Variants in GAP43 observed in about 807,000 individuals in gnomAD.
GAP43 encodes growth associated protein 43.
Under a neutral mutation model 18.6 loss-of-function variants are expected in GAP43, and 6 were observed. That is an observed-to-expected ratio of 0.32 (90% CI 0.18 to 0.64). The LOEUF (loss-of-function observed/expected upper bound fraction) is 0.64. GAP43 is among the 30% of genes least tolerant of loss of function. The pLI is 0.78. For missense variants in GAP43, 292 were observed against 295.5 expected, an observed-to-expected ratio of 0.99 and a Z score of 0.09; for synonymous variants, 115 against 111.4, an observed-to-expected ratio of 1.03 and a Z score of -0.20.
intron 1 of GAP43, among the ~76,000 whole-genome samples, chr3:115,624,107 A>G (rs1365782201): frequency 2.0e-5 from 3 of 151,596 alleles, no homozygotes; most frequent in Admixed American, 2.0e-4. Flanking sequence ...GCAAAAAAGC[A>G]GGGTTGAGGA....
chr3:115,696,390 TC>T (rs984005264), intron 2 of GAP43, among the ~76,000 whole-genome samples: 2 of 152,020 alleles, frequency 1.3e-5, no homozygotes, highest in Non-Finnish European at 1.5e-5. Flanking sequence ...TCAACATATA[TC>T]CAGAATCTCA....
chr3:115,640,726 C>T (rs977979467), intron 1 of GAP43, among the ~76,000 whole-genome samples: 2 of 152,000 alleles, frequency 1.3e-5, no homozygotes, highest in Non-Finnish European at 2.9e-5. Flanking sequence ...AAAGGGGTTT[C>T]CCTTGGATTC....
In GAP43 at chr3:115,676,615, G is replaced by A. The variant is rs909427227; in HGVS notation, c.628+5G>A. ...GCCAAGCTGAAGAGAACATAGGTGA[G>A]CAACCGCGAGGGTCAGATGCAATGG... is the stretch of plus-strand genomic sequence containing the variant. On this transcript the variant is annotated splice_donor_5th_base_variant and intron_variant, in intron 2 of 2. Coordinates refer to ENST00000305124, the MANE Select transcript of GAP43 (RefSeq NM_002045.4). 22 of 1,569,250 alleles carry A rather than the reference G, an allele frequency of 1.4e-5. No homozygotes were observed. The highest frequency in any genetic ancestry group is 2.2e-4 in the Middle Eastern group (1 of 4,480).
intron 1 of GAP43, among the ~76,000 whole-genome samples, chr3:115,640,903 TTTTC>T (rs2107470141): frequency 6.6e-6 from 1 of 151,020 alleles, no homozygotes; most frequent in Admixed American, 6.7e-5. Context: ...TCTTTCTCTT[TTTTC>T]TTTTTCTTTC....
chr3:115,655,090 A>T (rs1305725512), intron 1 of GAP43, among the ~76,000 whole-genome samples: 3 of 152,226 alleles, frequency 2.0e-5, no homozygotes, highest in African/African-American at 7.2e-5. Flanking sequence ...ATGTATGAGT[A>T]GAGGGTAGGA....
intron 1 of GAP43, among the ~76,000 whole-genome samples, chr3:115,624,237 C>A (rs998082371): frequency 2.6e-5 from 4 of 151,962 alleles, no homozygotes; most frequent in Admixed American, 2.6e-4. Flanking sequence ...TATGGAAAAA[C>A]GTGCAGGTCT....
intron 2 of GAP43, among the ~76,000 whole-genome samples, chr3:115,706,407 G>C (rs866249595): frequency 8.5e-5 from 13 of 152,122 alleles, no homozygotes; most frequent in African/African-American, 3.1e-4. Flanking sequence ...TGGGGGGTAG[G>C]CTGTGACTTG....
intron 2 of GAP43, among the ~76,000 whole-genome samples, chr3:115,715,541 A>G (rs1709492809): frequency 6.6e-6 from 1 of 152,218 alleles, no homozygotes; most frequent in African/African-American, 2.4e-5. Flanking sequence ...TCTAAATGGA[A>G]CATGGTAATT....
At chr3:115,710,278 A>G (rs1709417587) in intron 2 of GAP43, among the ~76,000 whole-genome samples, 1 of 151,852 alleles carries the variant, frequency 6.6e-6, no homozygotes. Flanking sequence ...GTCTGTAGAT[A>G]TCATAGGCTA....
At chr3:115,664,944 C>T (rs1708714689) in intron 1 of GAP43, among the ~76,000 whole-genome samples, 1 of 152,166 alleles carries the variant, frequency 6.6e-6, no homozygotes, top group Admixed American at 6.5e-5. Flanking sequence ...AATACAACAA[C>T]ATACCTTCTA....
chr3:115,703,862 TAA>T (rs1435879815), intron 2 of GAP43, among the ~76,000 whole-genome samples: 2 of 152,224 alleles, frequency 1.3e-5, no homozygotes, highest in African/African-American at 4.8e-5. Flanking sequence ...GTCAAATCTA[TAA>T]CATTCTTTGC....
At chr3:115,694,732 C>T (rs1429598988) in intron 2 of GAP43, among the ~76,000 whole-genome samples, 3 of 152,112 alleles carry the variant, frequency 2.0e-5, no homozygotes, top group Admixed American at 1.3e-4. Context: ...TTTCAACATG[C>T]GTATCCTCAA....
chr3:115,653,772 T>C (rs941758811), intron 1 of GAP43, among the ~76,000 whole-genome samples: 1 of 152,202 alleles, frequency 6.6e-6, no homozygotes, highest in African/African-American at 2.4e-5. Context: ...GCACTGGCCC[T>C]AGAGTTTGAG....
chr3:115,663,274 G>A (rs6765322), intron 1 of GAP43, among the ~76,000 whole-genome samples: 34,335 of 152,106 alleles, frequency 0.23, 4,196 homozygotes, highest in African/African-American at 0.3. Context: ...CAAGTAAAAA[G>A]CAATGTTTAA....
intron 2 of GAP43, among the ~76,000 whole-genome samples, chr3:115,709,271 T>A (rs1709404994): frequency 6.6e-6 from 1 of 152,224 alleles, no homozygotes; most frequent in Non-Finnish European, 1.5e-5. Context: ...TAGCATTTTT[T>A]AATGCCTTTA....
chr3:115,706,484 T>C (rs1709364704), intron 2 of GAP43, among the ~76,000 whole-genome samples: 1 of 152,180 alleles, frequency 6.6e-6, no homozygotes, highest in Admixed American at 6.5e-5. Flanking sequence ...AAGATAAGGT[T>C]TTTGTTTGTT....
intron 1 of GAP43, among the ~76,000 whole-genome samples, chr3:115,627,306 TCCCCACCCCC>T (rs1708202742): frequency 6.6e-6 from 1 of 151,576 alleles, no homozygotes; most frequent in African/African-American, 2.4e-5. Context: ...GTAACTCTCT[TCCCCACCCCC>T]TCCCCTACCA....
chr3:115,700,670 C>G (rs746174269), intron 2 of GAP43, among the ~76,000 whole-genome samples: 3 of 152,062 alleles, frequency 2.0e-5, no homozygotes, highest in Non-Finnish European at 4.4e-5. Flanking sequence ...TTCTTATTTT[C>G]TCCCACATCT....
intron 2 of GAP43, among the ~76,000 whole-genome samples, chr3:115,702,292 A>T (rs1709305973): frequency 6.6e-6 from 1 of 152,116 alleles, no homozygotes. Flanking sequence ...TGGTAATATA[A>T]ATCAGGTGGT....
Sources: allele counts gnomAD v4.1 joint callset (sites outside exome capture counted in the v4.1 genomes callset), GRCh38; gene constraint gnomAD v4.1.1; transcripts MANE v1.5; gene names NCBI Gene and HGNC (gene_info 2026-07-23, HGNC 2026-07-21).